The following DMD variants were observed in gnomAD, a reference collection of about 807,000 sequenced individuals.
The protein encoded by DMD is dystrophin.
Under a neutral mutation model 330.1 loss-of-function variants are expected in DMD, and 63 were observed. That is an observed-to-expected ratio of 0.19 (90% CI 0.16 to 0.24). The LOEUF (loss-of-function observed/expected upper bound fraction) is 0.24. Ranked by LOEUF, DMD falls within the 10% of genes least tolerant of loss-of-function variation. DMD has a pLI of 1.00. For missense variants in DMD, 3,344 were observed against 2,684.1 expected, an observed-to-expected ratio of 1.25 and a Z score of -5.43; for synonymous variants, 1,223 against 959.8, an observed-to-expected ratio of 1.27 and a Z score of -5.07.
At chrX:31,240,877 T>A (rs2048196530) in intron 63 of DMD, among the ~76,000 whole-genome samples, 2 of 111,632 alleles carry the variant, frequency 1.8e-5, no homozygotes, top group Non-Finnish European at 3.8e-5. Context: ...CCTAAAGCCC[T>A]TCCTCTTCAT....
intron 60 of DMD, among the ~76,000 whole-genome samples, chrX:31,388,071 C>T (rs1290292357): frequency 1.9e-5 from 2 of 107,278 alleles, no homozygotes. Flanking sequence ...ACGATCTCGG[C>T]TCACTGCAAT....
Position 32,070,070 on chromosome X carries a change from T to A in DMD, c.6439-101556A>T, listed in dbSNP as rs2096285430. Among the ~76,000 whole-genome samples the A allele has an allele frequency of 3.6e-5, 4 of 111,116 alleles. No individual in the cohort carries two copies. In the South Asian group the frequency reaches 1.5e-3, roughly 43 times the overall value. The stretch of plus-strand genomic sequence containing the variant: ...GGGAGGAAAGCAGGCTTGATCTAGA[T>A]TCAAGCATGAAACCAGCACTCTAGA... On this transcript the variant is annotated intron_variant, in intron 44 of 78. Coordinates refer to ENST00000357033, the MANE Select transcript of DMD (RefSeq NM_004006.3).
chrX:31,369,400 T>A (rs758894166), intron 60 of DMD, among the ~76,000 whole-genome samples: 1 of 112,134 alleles, frequency 8.9e-6, no homozygotes, highest in Non-Finnish European at 1.9e-5. Flanking sequence ...TCAAAAGATA[T>A]TGGAGTCAAG....
At chrX:31,546,911 T>C (rs1197494117) in intron 55 of DMD, among the ~76,000 whole-genome samples, 1 of 112,728 alleles carries the variant, frequency 8.9e-6, no homozygotes, top group Non-Finnish European at 1.9e-5. Context: ...GAATGAAGAA[T>C]GAATGAACGG....
chrX:31,204,616 T>TTTG (rs1237743086), intron 66 of DMD, among the ~76,000 whole-genome samples: 4 of 111,235 alleles, frequency 3.6e-5, no homozygotes, highest in East Asian at 2.8e-4. Flanking sequence ...CTGTGCATAG[T>TTTG]TTGTTGTTGT....
chrX:31,831,793 G>T lies in DMD; in HGVS notation c.7200+4925C>A, dbSNP rs746381385. On this transcript the variant is annotated intron_variant, in intron 49 of 78. Coordinates refer to ENST00000357033, the MANE Select transcript of DMD (RefSeq NM_004006.3). ...TTGTTTTTGTATTTTTAGTAGAGAT[G>T]GGGTTTCACCATGTTAGCCAGGATG... 9.0e-3 allele frequency among the ~76,000 whole-genome samples: 1,001 copies of T among 111,414 alleles called. 31 individuals carry two copies. The highest frequency in any genetic ancestry group is 0.089 in the Admixed American group (934 of 10,491).
At chrX:32,840,947 G>A (rs759904881) in intron 4 of DMD, among the ~76,000 whole-genome samples, 6 of 111,802 alleles carry the variant, frequency 5.4e-5, no homozygotes. Context: ...TAAGAAATGT[G>A]CATTTTCACA....
chrX:31,574,212 C>T (rs760786720), intron 55 of DMD, among the ~76,000 whole-genome samples: 18 of 98,563 alleles, frequency 1.8e-4, no homozygotes, highest in African/African-American at 6.1e-4. Flanking sequence ...GACTCGATCT[C>T]GGCTCACCGC....
chrX:32,458,507 T>C (rs887633588), intron 25 of DMD, among the ~76,000 whole-genome samples: 3 of 111,419 alleles, frequency 2.7e-5, no homozygotes, highest in East Asian at 2.8e-4. Flanking sequence ...TGGATATATA[T>C]CCAGAAGCGG....
intron 9 of DMD, among the ~76,000 whole-genome samples, chrX:32,663,350 A>C (rs141990691): frequency 0.011 from 1,218 of 111,937 alleles, 23 homozygotes; most frequent in African/African-American, 0.037. Context: ...ATCCATAATC[A>C]ATTGGTAAAC....
chrX:32,297,087 G>C (rs1415023560), intron 42 of DMD, among the ~76,000 whole-genome samples: 2 of 110,359 alleles, frequency 1.8e-5, no homozygotes, highest in Non-Finnish European at 3.8e-5. Context: ...GTTAGGCACA[G>C]TTTTCATCAT....
chrX:32,819,672 A>G (rs1014840899), intron 5 of DMD, among the ~76,000 whole-genome samples: 29 of 110,766 alleles, frequency 2.6e-4, no homozygotes, highest in Non-Finnish European at 5.7e-5. Context: ...CCATGGCACT[A>G]TTAATAACAT....
At chrX:33,324,235 G>GAAC (rs964298612) in intron 1 of DMD, among the ~76,000 whole-genome samples, 42 of 110,881 alleles carry the variant, frequency 3.8e-4, no homozygotes, top group African/African-American at 1.3e-3. Flanking sequence ...ACGGAGAAAA[G>GAAC]AACACCAGTA....
At chrX:32,984,417 G>A (rs978654019) in intron 2 of DMD, among the ~76,000 whole-genome samples, 1 of 111,269 alleles carries the variant, frequency 9.0e-6, no homozygotes, top group African/African-American at 3.3e-5. Context: ...ACCACACCCG[G>A]CTAATTTTTG....
chrX:32,345,884 T>TA, intron 39 of DMD, 59 bp downstream of exon 39: 1 of 1,146,111 alleles, frequency 8.7e-7, no homozygotes. Context: ...CATTATATTT[T>TA]ACCCTATATA....
chrX:31,167,503 T>C (rs1035259640), intron 74 of DMD, among the ~76,000 whole-genome samples: 1 of 112,012 alleles, frequency 8.9e-6, no homozygotes, highest in South Asian at 3.8e-4. Flanking sequence ...CACGATCATA[T>C]ACTTCAAAAA....
intron 51 of DMD, among the ~76,000 whole-genome samples, chrX:31,760,255 TTTAACCACTTTATTGATTTC>T (rs1327291171): frequency 8.9e-6 from 1 of 112,012 alleles, no homozygotes; most frequent in African/African-American, 3.2e-5. Flanking sequence ...CAAAATATTT[TTTAACCACTTTATTGATTTC>T]TTAACCACTT....
At position 32,816,619 on chromosome X, in the gene DMD, T is replaced by C. The variant is rs748643562; in HGVS notation, c.379A>G (p.Ile127Val). The C allele has an allele frequency of 4.0e-5, 49 of 1,209,981 alleles. No individual in the cohort carries two copies. The East Asian group carries it at 1.5e-3, about 36-fold the overall frequency. Residue 127 changes from isoleucine to valine, a missense_variant, in exon 6 of 79, where the codon ATC (isoleucine) becomes GTC (valine). Transcript: ENST00000357033. ...HWQVKNVMKN[I>V]MAGLQQTNSE... is the part of the protein sequence containing the mutation. ...TTGGTTTGTTGCAATCCAGCCATGA[T>C]ATTTTTCATTACATTTTTGACCTAC... is the stretch of plus-strand genomic sequence containing the variant.
intron 44 of DMD, among the ~76,000 whole-genome samples, chrX:32,148,027 A>G (rs2096786788): frequency 9.2e-6 from 1 of 108,292 alleles, no homozygotes; most frequent in Non-Finnish European, 1.9e-5. Flanking sequence ...ACAGGCACCC[A>G]CTACCACGCC....
Sources: allele counts gnomAD v4.1 joint callset (sites outside exome capture counted in the v4.1 genomes callset), GRCh38; gene constraint gnomAD v4.1.1; transcripts MANE v1.5; gene names NCBI Gene and HGNC (gene_info 2026-07-23, HGNC 2026-07-21).